The following PKHD1L1 variants were observed in gnomAD, a reference collection of about 807,000 sequenced individuals.
PKHD1L1 encodes the protein fibrocystin-L.
A neutral mutation model predicts 462.9 loss-of-function variants in PKHD1L1; 434 were observed. That is an observed-to-expected ratio of 0.94 (90% CI 0.87 to 1.02). PKHD1L1 has a LOEUF of 1.02. PKHD1L1 is among the 50% of genes least tolerant of loss of function. PKHD1L1 has a pLI of 0.00. For missense variants in PKHD1L1, 5,202 were observed against 5,096.1 expected (o/e 1.02, Z -0.63); for synonymous variants, 1,781 against 1,750.0 (o/e 1.02, Z -0.44).
chr8:109,503,938 G>A (rs1420532587), intron 67 of PKHD1L1, among the ~76,000 whole-genome samples: 2 of 152,130 alleles, frequency 1.3e-5, no homozygotes, highest in Non-Finnish European at 2.9e-5. Flanking sequence ...ATTAGCTGGG[G>A]CGATAGGAGT....
chr8:109,399,262 G>A (rs2130529637), intron 12 of PKHD1L1, among the ~76,000 whole-genome samples: 1 of 152,224 alleles, frequency 6.6e-6, no homozygotes, highest in East Asian at 1.9e-4. Context: ...AGAAAATTGT[G>A]TATATCACTA....
intron 47 of PKHD1L1, among the ~76,000 whole-genome samples, chr8:109,460,447 A>G (rs1817057971): frequency 6.6e-6 from 1 of 152,160 alleles, no homozygotes; most frequent in African/African-American, 2.4e-5. Context: ...ATCTATAGAT[A>G]TATAGATCTG....
chr8:109,462,530 CT>C (rs1416938611), intron 48 of PKHD1L1, among the ~76,000 whole-genome samples: 2 of 151,894 alleles, frequency 1.3e-5, no homozygotes, highest in Non-Finnish European at 2.9e-5. Context: ...TTTGTACTTG[CT>C]TTTCATTATT....
In PKHD1L1 at chr8:109,518,210, C is replaced by A. The variant is rs759835153; in HGVS notation, c.11733C>A (p.Asn3911Lys). The A allele has an allele frequency of 6.2e-7, 1 of 1,608,998 alleles. No homozygotes were observed. Among genetic ancestry groups the A allele is most frequent in the South Asian group, 1.1e-5 (1 of 90,878 alleles). ...TGGATTCCACTGTCCTTGGTGAAAA[C>A]TACTTTGATGGAACCTACCAGATGC... ...PNLDSTVLGE[N>K]YFDGTYQMLY... Residue 3911 changes from asparagine to lysine, a missense_variant, in exon 73 of 78, where the codon AAC becomes AAA. By Grantham distance (94) the Asn-to-Lys change is moderately conservative. Around this residue, in one of 3 missense-constraint regions of PKHD1L1, gnomAD observed 698 missense variants for 736.3 expected, o/e 0.95. Transcript: ENST00000378402.
At chr8:109,461,679 G>A (rs1454531458) in intron 47 of PKHD1L1, 93 bp from the exon 48 acceptor site, 9 of 1,356,658 alleles carry the variant, frequency 6.6e-6, no homozygotes, top group Middle Eastern at 1.9e-4. Flanking sequence ...GAGATCATAT[G>A]TGAATCAAAT....
intron 43 of PKHD1L1, among the ~76,000 whole-genome samples, chr8:109,453,669 C>A (rs1456600809): frequency 6.6e-6 from 1 of 152,152 alleles, no homozygotes; most frequent in African/African-American, 2.4e-5. Context: ...TAAATTTACA[C>A]TAGTCTCATA....
chr8:109,391,752 A>T (rs1311883559), intron 9 of PKHD1L1, among the ~76,000 whole-genome samples: 1 of 152,242 alleles, frequency 6.6e-6, no homozygotes, highest in Non-Finnish European at 1.5e-5. Context: ...AGTAGATGTT[A>T]TTCCTAGTAG....
At chr8:109,388,943 T>C (rs1341224070) in intron 7 of PKHD1L1, 136 bp from the exon 8 acceptor site, 2 of 534,148 alleles carry the variant, frequency 3.7e-6, no homozygotes, top group Non-Finnish European at 6.4e-6. Flanking sequence ...AGTTTTATTT[T>C]ACAGAAATTT....
chr8:109,419,344 G>T (rs190439887), intron 22 of PKHD1L1, 84 bp downstream of exon 22: 2 of 1,042,172 alleles, frequency 1.9e-6, no homozygotes, highest in East Asian at 5.3e-5. Flanking sequence ...CTGCAGTATG[G>T]ATAGAAACAT....
intron 35 of PKHD1L1, 56 bp downstream of exon 35, chr8:109,442,251 A>T: frequency 6.9e-7 from 1 of 1,458,156 alleles, no homozygotes; most frequent in Non-Finnish European, 9.3e-7. Context: ...AATGTAATAA[A>T]ATGACATTTT....
intron 63 of PKHD1L1, 69 bp downstream of exon 63, chr8:109,493,820 T>C: frequency 9.7e-7 from 1 of 1,030,178 alleles, no homozygotes. Context: ...AAATAAATAA[T>C]TATTGTTTGT....
chr8:109,431,774 A>G (rs1047235744), intron 27 of PKHD1L1, among the ~76,000 whole-genome samples: 1 of 152,164 alleles, frequency 6.6e-6, no homozygotes, highest in Admixed American at 6.5e-5. Context: ...ATAAGACTAT[A>G]TTGAACTTTC....
rs1010201849 is a variant in PKHD1L1 at position 109,381,361 on chromosome 8, C to T, written c.164-9C>T. 3 of 1,556,614 alleles carry T rather than the reference C, an allele frequency of 1.9e-6. No individual in the cohort carries two copies. The African/African-American group carries it at 4.1e-5, about 21-fold the overall frequency. ...CATTAATAATAATTAAGTCTTCTTA[C>T]TTTTCCAGGTTTTTCTCAAGCAAAC... On this transcript the variant is annotated splice_polypyrimidine_tract_variant and intron_variant, in intron 2 of 77. Transcript: ENST00000378402.
At chr8:109,500,383 T>A (rs1586630056) in intron 67 of PKHD1L1, among the ~76,000 whole-genome samples, 1 of 151,214 alleles carries the variant, frequency 6.6e-6, no homozygotes, top group Non-Finnish European at 1.5e-5. Flanking sequence ...TCATTCCTGT[T>A]ATAAATAGGC....
chr8:109,387,639 T>C (rs969881476), intron 6 of PKHD1L1, among the ~76,000 whole-genome samples: 6 of 152,216 alleles, frequency 3.9e-5, no homozygotes, highest in Non-Finnish European at 7.3e-5. Context: ...AGAATTTAAA[T>C]CCATGAATGT....
chr8:109,535,598 T>C lies in PKHD1L1; in HGVS notation c.*5508T>C, dbSNP rs1821128255. 6.6e-6 allele frequency among the ~76,000 whole-genome samples: 1 copy of C among 152,106 alleles called. No homozygotes were observed. The highest frequency in any genetic ancestry group is 1.5e-5 in the Non-Finnish European group (1 of 67,998). On this transcript the variant is annotated 3_prime_UTR_variant, in exon 78 of 78. Transcript: ENST00000378402. ...AGATCCCCAAACAAACAATTCAAAA[T>C]TAAGAGTTTAAAAAGCAACAATCAA...
intron 28 of PKHD1L1, among the ~76,000 whole-genome samples, chr8:109,433,599 G>T (rs1365655996): frequency 6.6e-6 from 1 of 152,112 alleles, no homozygotes; most frequent in Non-Finnish European, 1.5e-5. Context: ...GCAGGAAGAG[G>T]ACCTGGCCAT....
intron 76 of PKHD1L1, among the ~76,000 whole-genome samples, chr8:109,525,264 T>C (rs1042175064): frequency 1.1e-4 from 17 of 151,992 alleles, no homozygotes; most frequent in African/African-American, 3.6e-4. Context: ...CAGAAAATAG[T>C]GATGTGAGAA....
At position 109,364,645 on chromosome 8, in the gene PKHD1L1, G is replaced by GGTT; in HGVS notation, c.163+9_163+10insGTT. ...GACTATAAGAGGGGAAGGTATCGTT[G>GGTT]CTTTTTTTTTTTTTTTTTTGCCAAG... On this transcript the variant is annotated intron_variant, in intron 2 of 77. Transcript: ENST00000378402. The GGTT allele has an allele frequency of 8.3e-7, 1 of 1,201,102 alleles. No homozygotes were observed. The highest frequency in any genetic ancestry group is 1.1e-6 in the Non-Finnish European group (1 of 914,126). 74.4% of individuals were successfully genotyped at this position (1,201,102 alleles called of 1,614,324 possible). A position where few individuals can be genotyped will look rare whatever the true frequency, so the allele number is the denominator to read the frequency against.
Sources: gnomAD v4.1 joint callset for allele counts (sites outside exome capture counted in the v4.1 genomes callset) on GRCh38, gnomAD v4.1.1 for gene constraint, gnomAD v4.1.1 regional missense constraint, MANE v1.5 for transcripts, NCBI Gene and HGNC (gene_info 2026-07-23, HGNC 2026-07-21) for gene names.